Variants in ROBO1 observed in about 807,000 individuals in gnomAD.
ROBO1 encodes roundabout homolog 1.
ROBO1 carries 149 observed loss-of-function variants against 195.9 expected under a neutral mutation model. The ratio of observed to expected loss-of-function variants is 0.76; its 90% CI spans 0.67 to 0.87. ROBO1 has a LOEUF of 0.87. Among genes scored for constraint, ROBO1 ranks in the 40% least tolerant of loss-of-function variants. The probability of loss-of-function intolerance (pLI) is 0.00; values close to 1 mark genes in which losing one functional copy is unlikely to be tolerated. For synonymous variants in ROBO1, 816 were observed against 733.2 expected, an observed-to-expected ratio of 1.11 and a Z score of -1.82; for missense variants, 1,933 against 2,068.3, an observed-to-expected ratio of 0.93 and a Z score of 1.27.
chr3:78,629,405 A>G (rs1255972790), intron 25 of ROBO1, among the ~76,000 whole-genome samples: 1 of 152,148 alleles, frequency 6.6e-6, no homozygotes, highest in African/African-American at 2.4e-5. Context: ...AAATGCATTC[A>G]GGCCAAGTGG....
At chr3:79,406,841 A>G (rs1195118956) in intron 2 of ROBO1, among the ~76,000 whole-genome samples, 2 of 151,796 alleles carry the variant, frequency 1.3e-5, no homozygotes, top group Non-Finnish European at 2.9e-5. Flanking sequence ...TCCTTTCCAC[A>G]TAGTTTTAAA....
intron 2 of ROBO1, among the ~76,000 whole-genome samples, chr3:79,570,019 T>C (rs1943227603): frequency 2.0e-5 from 3 of 152,052 alleles, no homozygotes; most frequent in Middle Eastern, 3.2e-3. Context: ...AAGATCAACC[T>C]GAGCCCAGGA....
rs1409881558 is a variant in ROBO1 at position 79,199,338 on chromosome 3, T to C, written c.89-73799A>G. On this transcript the variant is annotated intron_variant, in intron 2 of 30. Transcript: ENST00000464233. ...ATGACTAGAAGACTCAAGACATTTC[T>C]AAGAAGAGAAATGACCAAACTAGGC... Among the ~76,000 whole-genome samples the C allele has an allele frequency of 3.3e-5, 5 of 151,956 alleles. No individual in the cohort carries two copies. The Admixed American group carries it at 3.3e-4, about 10-fold the overall frequency.
chr3:78,714,782 C>T (rs978882122), intron 7 of ROBO1: 10 of 346,438 alleles, frequency 2.9e-5, no homozygotes, highest in African/African-American at 4.2e-5. Context: ...TCCTCAAGCT[C>T]CTGTGCTCAC....
chr3:79,281,722 A>C lies in ROBO1; in HGVS notation c.89-156183T>G, dbSNP rs529899199. Among the ~76,000 whole-genome samples the C allele has an allele frequency of 1.7e-4, 26 of 152,318 alleles. No homozygotes were observed. In the South Asian group the frequency reaches 1.9e-3, roughly 11 times the overall value. On this transcript the variant is annotated intron_variant, in intron 2 of 30. Transcript: ENST00000464233. ...TTTATTCAACTTTCCACAGTTGAGA[A>C]GAAAGTTATTGCAGTCATTCATATT... is the stretch of plus-strand genomic sequence containing the variant.
intron 1 of ROBO1, among the ~76,000 whole-genome samples, chr3:79,633,493 T>C (rs1043814193): frequency 7.9e-5 from 12 of 151,928 alleles, no homozygotes; most frequent in African/African-American, 2.7e-4. Flanking sequence ...GCCTACATAT[T>C]TGTTCTTATT....
At chr3:78,638,963 T>C (rs1296188039) in intron 22 of ROBO1, among the ~76,000 whole-genome samples, 4 of 151,942 alleles carry the variant, frequency 2.6e-5, no homozygotes, top group Admixed American at 2.0e-4. Context: ...CTGGCCAACA[T>C]GGTAAAACCC....
intron 1 of ROBO1, among the ~76,000 whole-genome samples, chr3:79,659,005 G>A (rs544774893): frequency 6.6e-6 from 1 of 152,066 alleles, no homozygotes; most frequent in East Asian, 1.9e-4. Context: ...AAAGTGCCAG[G>A]ATTACAGGTG....
At chr3:78,962,682 A>G (rs991528319) in intron 3 of ROBO1, among the ~76,000 whole-genome samples, 1 of 151,818 alleles carries the variant, frequency 6.6e-6, no homozygotes, top group Non-Finnish European at 1.5e-5. Context: ...AAAATTAGCC[A>G]GGCGTGGTGG....
At chr3:79,222,336 A>G (rs2082154731) in intron 2 of ROBO1, among the ~76,000 whole-genome samples, 1 of 152,048 alleles carries the variant, frequency 6.6e-6, no homozygotes, top group Admixed American at 6.6e-5. Context: ...TCATGGGGCA[A>G]ATGAAGTTGC....
intron 19 of ROBO1, among the ~76,000 whole-genome samples, chr3:78,648,850 G>A (rs1169293024): frequency 6.6e-6 from 1 of 151,968 alleles, no homozygotes; most frequent in African/African-American, 2.4e-5. Context: ...GAAATTTACT[G>A]TAGAATCGGA....
chr3:79,577,462 T>C (rs1270632527), intron 2 of ROBO1, among the ~76,000 whole-genome samples: 4 of 152,076 alleles, frequency 2.6e-5, no homozygotes, highest in Non-Finnish European at 2.9e-5. Flanking sequence ...TTGGACTTCA[T>C]TGAAATGAAA....
chr3:78,910,028 C>T lies in ROBO1; in HGVS notation c.499+28573G>A, dbSNP rs190457038. Among the ~76,000 whole-genome samples, 76 of 151,798 alleles carry T rather than the reference C, an allele frequency of 5.0e-4. 2 individuals carry two copies. Among genetic ancestry groups the T allele is most frequent in the Admixed American group, 2.3e-3 (35 of 15,180 alleles). ...ATGTAAAGTCAGACCTCCGTAGACA[C>T]ATTTCATAAAGACATTAAGAAGATG... On this transcript the variant is annotated intron_variant, in intron 4 of 30. Coordinates refer to ENST00000464233, the MANE Select transcript of ROBO1 (RefSeq NM_002941.4).
At chr3:78,774,875 T>G (rs1357622255) in intron 4 of ROBO1, among the ~76,000 whole-genome samples, 1 of 152,206 alleles carries the variant, frequency 6.6e-6, no homozygotes, top group African/African-American at 2.4e-5. Context: ...ATATTCAGTA[T>G]TTTTCCTTTA....
rs997065139 is a variant in ROBO1 at position 79,547,970 on chromosome 3, G to GA, written c.88+41853dup. 1.1e-4 allele frequency among the ~76,000 whole-genome samples: 16 copies of GA among 151,912 alleles called. No homozygotes were observed. In the East Asian group the frequency reaches 2.3e-3, roughly 22 times the overall value. On this transcript the variant is annotated intron_variant, in intron 2 of 30. Coordinates refer to ENST00000464233, the MANE Select transcript of ROBO1 (RefSeq NM_002941.4). ...TTTTGATGGAGTAAAGACATCTATA[G>GA]AAAAAAAATGCATGGCAGTTTTACT...
In ROBO1 at chr3:79,675,188, C is replaced by T. The variant is rs374777044; in HGVS notation, c.-50-85227G>A. ...AATATTACAGTCGGTGTGTATGAGC[C>T]TATACATCCCACAGGAATTGGGATG... On this transcript the variant is annotated intron_variant, in intron 1 of 30. Transcript: ENST00000464233. 5.2e-4 allele frequency among the ~76,000 whole-genome samples: 79 copies of T among 151,894 alleles called. 1 individual carries two copies. The highest frequency in any genetic ancestry group is 1.7e-3 in the African/African-American group (72 of 41,480).
chr3:78,659,922 T>A (rs1373247127), intron 16 of ROBO1, 115 bp from the exon 17 acceptor site: 23 of 37,324 alleles, frequency 6.2e-4, no homozygotes, highest in Admixed American at 3.0e-3. Context: ...TATATGCTTT[T>A]TTTTTTTTTT....
chr3:78,789,336 G>A (rs922652802), intron 4 of ROBO1, among the ~76,000 whole-genome samples: 6 of 151,982 alleles, frequency 3.9e-5, no homozygotes, highest in African/African-American at 7.2e-5. Flanking sequence ...TCAACTTTTC[G>A]CTCAAATTTA....
At chr3:79,751,063 ATTC>A (rs1704110800) in intron 1 of ROBO1, among the ~76,000 whole-genome samples, 1 of 152,234 alleles carries the variant, frequency 6.6e-6, no homozygotes, top group South Asian at 2.1e-4. Flanking sequence ...TTGAAGAAAT[ATTC>A]TTCTTTCCTC....
Sources: allele counts gnomAD v4.1 joint callset (sites outside exome capture counted in the v4.1 genomes callset), GRCh38; gene constraint gnomAD v4.1.1; transcripts MANE v1.5; gene names NCBI Gene and HGNC (gene_info 2026-07-23, HGNC 2026-07-21).